MIB1: variants seen among roughly 807,000 people sequenced by gnomAD.
MIB1 encodes E3 ubiquitin-protein ligase MIB1.
MIB1 carries 278 observed loss-of-function variants against 124.5 expected under a neutral mutation model. The ratio of observed to expected loss-of-function variants is 2.23; its 90% CI spans 2.02 to 2.47. The LOEUF is 2.47. Among genes scored for constraint, MIB1 ranks in the 30% most tolerant of loss-of-function variants. The pLI, the probability that MIB1 is intolerant of heterozygous loss-of-function variation, is 0.00. For missense variants in MIB1, 957 were observed against 1,254.4 expected, an observed-to-expected ratio of 0.76 and a Z score of 3.58; for synonymous variants, 446 against 429.4, an observed-to-expected ratio of 1.04 and a Z score of -0.48.
intron 20 of MIB1, among the ~76,000 whole-genome samples, chr18:21,862,897 G>C (rs527582517): frequency 1.2e-4 from 19 of 152,180 alleles, no homozygotes; most frequent in Non-Finnish European, 1.5e-4. Flanking sequence ...GAGCAGCTGA[G>C]TACCTAGATT....
intron 1 of MIB1, among the ~76,000 whole-genome samples, chr18:21,763,100 T>G (rs1217714058): frequency 6.6e-6 from 1 of 151,978 alleles, no homozygotes; most frequent in Admixed American, 6.6e-5. Flanking sequence ...AGTTTCTGTT[T>G]CTAGGAGTTT....
At chr18:21,773,562 A>G (rs1295483827) in intron 3 of MIB1, 62 bp from the exon 4 acceptor site, 6 of 1,028,250 alleles carry the variant, frequency 5.8e-6, no homozygotes, top group Non-Finnish European at 4.4e-6. Context: ...TGTAATAATT[A>G]AAAGAACTAA....
chr18:21,772,056 G>A (rs944529472), intron 3 of MIB1, among the ~76,000 whole-genome samples: 2 of 152,000 alleles, frequency 1.3e-5, no homozygotes, highest in Non-Finnish European at 2.9e-5. Flanking sequence ...AAGAGTAAAT[G>A]GACTAAATTA....
intron 1 of MIB1, among the ~76,000 whole-genome samples, chr18:21,713,419 C>T (rs983606279): frequency 1.3e-5 from 2 of 151,702 alleles, no homozygotes; most frequent in African/African-American, 2.4e-5. Flanking sequence ...AGACCAGCCT[C>T]GCCAAGATGC....
chr18:21,846,717 TG>T (rs2042137513), intron 15 of MIB1, among the ~76,000 whole-genome samples: 1 of 152,182 alleles, frequency 6.6e-6, no homozygotes, highest in African/African-American at 2.4e-5. Flanking sequence ...CTGACTGGTT[TG>T]GGCCATGTTT....
chr18:21,858,734 G>T (rs2042249247), intron 20 of MIB1, 88 bp downstream of exon 20: 1 of 713,146 alleles, frequency 1.4e-6, no homozygotes. Flanking sequence ...AATAAGTATG[G>T]TTTATATTAG....
intron 1 of MIB1, among the ~76,000 whole-genome samples, chr18:21,705,719 A>G (rs2040619434): frequency 6.6e-6 from 1 of 152,242 alleles, no homozygotes; most frequent in Non-Finnish European, 1.5e-5. Context: ...GAGACGGACC[A>G]GAAGTGAGCA....
chr18:21,864,398 A>C, intron 20 of MIB1, 128 bp from the exon 21 acceptor site: 1 of 672,910 alleles, frequency 1.5e-6, no homozygotes, highest in Non-Finnish European at 2.5e-6. Flanking sequence ...AATGTTAAAA[A>C]ATTGTTTTTA....
chr18:21,852,108 T>C (rs577421468), intron 17 of MIB1, among the ~76,000 whole-genome samples: 1 of 152,348 alleles, frequency 6.6e-6, no homozygotes, highest in Non-Finnish European at 1.5e-5. Flanking sequence ...TGAAGGATTA[T>C]TCTTTATTGT....
intron 13 of MIB1, among the ~76,000 whole-genome samples, chr18:21,842,747 A>G (rs1003177006): frequency 1.3e-5 from 2 of 152,230 alleles, no homozygotes; most frequent in African/African-American, 4.8e-5. Flanking sequence ...ATCTAAATCC[A>G]GTATGAAGAC....
upstream of MIB1, among the ~76,000 whole-genome samples, chr18:21,736,075 T>G (rs1415907966): frequency 6.6e-6 from 1 of 152,208 alleles, no homozygotes; most frequent in African/African-American, 2.4e-5. Flanking sequence ...CCATGTATCC[T>G]AACAGGGAGA....
chr18:21,835,076 C>G (rs565245073), intron 12 of MIB1, among the ~76,000 whole-genome samples: 1 of 152,304 alleles, frequency 6.6e-6, no homozygotes, highest in Admixed American at 6.5e-5. Context: ...TTGGGGCTAT[C>G]TGCAGTGTTT....
intron 7 of MIB1, among the ~76,000 whole-genome samples, chr18:21,792,248 C>T (rs2041513423): frequency 6.6e-6 from 1 of 152,162 alleles, no homozygotes; most frequent in African/African-American, 2.4e-5. Flanking sequence ...TCTCCTGTCT[C>T]ATCCAGCCTC....
chr18:21,756,558 G>T (rs541197746), intron 1 of MIB1, among the ~76,000 whole-genome samples: 3 of 151,934 alleles, frequency 2.0e-5, no homozygotes, highest in Non-Finnish European at 4.4e-5. Flanking sequence ...TTTGCCTCCC[G>T]GGTTCAAGTG....
chr18:21,779,112 C>G (rs998486703), intron 5 of MIB1, among the ~76,000 whole-genome samples: 1 of 152,076 alleles, frequency 6.6e-6, no homozygotes, highest in Non-Finnish European at 1.5e-5. Flanking sequence ...GGCTTTCATT[C>G]ATATTCTCTA....
chr18:21,745,369 C>T (rs1409350784), intron 1 of MIB1, among the ~76,000 whole-genome samples: 1 of 152,146 alleles, frequency 6.6e-6, no homozygotes, highest in Non-Finnish European at 1.5e-5. Flanking sequence ...CATCCCTGGC[C>T]TCTACCCATT....
chr18:21,742,393 A>G (rs947445750), intron 1 of MIB1, among the ~76,000 whole-genome samples: 9 of 149,710 alleles, frequency 6.0e-5, no homozygotes, highest in Non-Finnish European at 1.5e-5. Context: ...TTATATCTTT[A>G]TATCAATAGA....
chr18:21,721,408 C>G (rs1331921789), intron 1 of MIB1, among the ~76,000 whole-genome samples: 1 of 151,772 alleles, frequency 6.6e-6, no homozygotes, highest in African/African-American at 2.4e-5. Flanking sequence ...CTTGAACTCC[C>G]GATCTCAAGT....
chr18:21,836,273 G>GTTTTTTT (rs34936609), intron 12 of MIB1, among the ~76,000 whole-genome samples: 1 of 133,450 alleles, frequency 7.5e-6, no homozygotes, highest in Non-Finnish European at 1.6e-5. Context: ...AAAACAAAAG[G>GTTTTTTT]TTTTTTTTTT....
Sources: allele counts gnomAD v4.1 joint callset (sites outside exome capture counted in the v4.1 genomes callset), GRCh38; gene constraint gnomAD v4.1.1; transcripts MANE v1.5; gene names NCBI Gene and HGNC (gene_info 2026-07-23, HGNC 2026-07-21).